Variants in TICRR observed in about 807,000 individuals in gnomAD.
TICRR encodes the protein treslin.
TICRR carries 132 observed loss-of-function variants against 178.1 expected under a neutral mutation model. The ratio of observed to expected loss-of-function variants is 0.74; its 90% CI spans 0.64 to 0.86. The LOEUF is 0.86. Ranked by LOEUF, TICRR falls within the 40% of genes least tolerant of loss-of-function variation. The pLI, the probability that TICRR is intolerant of heterozygous loss-of-function variation, is 0.00. For missense variants in TICRR, 2,587 were observed against 2,334.3 expected, an observed-to-expected ratio of 1.11 and a Z score of -2.23; for synonymous variants, 991 against 900.7, an observed-to-expected ratio of 1.10 and a Z score of -1.79.
chr15:89,621,536 C>A lies in TICRR; in HGVS notation c.3298C>A (p.Pro1100Thr). The stretch of plus-strand genomic sequence containing the variant: ...AAGAAACACTTTGGATTCGGAGGTA[C>A]CTGCAGCTTACCAGGTATAATGTTT... ...RSRNTLDSEV[P>T]AAYQTPKKSH... Residue 1100 changes from proline (P) to threonine (T), a missense_variant, in exon 19 of 22, where the codon CCT becomes ACT. Transcript: ENST00000268138. 4.3e-6 allele frequency: 7 copies of A among 1,611,722 alleles called. No homozygotes were observed. The highest frequency in any genetic ancestry group is 5.9e-6 in the Non-Finnish European group (7 of 1,179,352).
chr15:89,576,423 T>C (rs1023104108), intron 1 of TICRR, among the ~76,000 whole-genome samples, 183 bp downstream of exon 1: 1 of 152,152 alleles, frequency 6.6e-6, no homozygotes, highest in Non-Finnish European at 1.5e-5. Context: ...CCTCACTACC[T>C]ACTGTTTAAG....
intron 18 of TICRR, among the ~76,000 whole-genome samples, chr15:89,620,660 C>T (rs988416668): frequency 6.6e-6 from 1 of 151,958 alleles, no homozygotes; most frequent in East Asian, 1.9e-4. Flanking sequence ...TCCCGAGTTG[C>T]TCTCAAAAAT....
At chr15:89,585,576 C>T in intron 3 of TICRR, 132 bp from the exon 4 acceptor site, 1 of 682,686 alleles carries the variant, frequency 1.5e-6, no homozygotes, top group Non-Finnish European at 2.5e-6. Flanking sequence ...TATTAATGAT[C>T]AAATCTATCT....
chr15:89,582,987 G>A, intron 2 of TICRR, 22 bp downstream of exon 2: 1 of 1,229,318 alleles, frequency 8.1e-7, no homozygotes, highest in Admixed American at 2.5e-5. Flanking sequence ...ATATTTTAAG[G>A]TTTTTTTTTT....
At chr15:89,618,374 G>A (rs8030993) in intron 17 of TICRR, among the ~76,000 whole-genome samples, 164 bp downstream of exon 17, 5,581 of 152,264 alleles carry the variant, frequency 0.037, 356 homozygotes, top group African/African-American at 0.13. Flanking sequence ...ATGTTCTTCT[G>A]CATAGAAGGT....
At chr15:89,577,048 C>CA (rs948691298) in intron 1 of TICRR, among the ~76,000 whole-genome samples, 40 of 151,958 alleles carry the variant, frequency 2.6e-4, no homozygotes, top group African/African-American at 8.7e-4. Flanking sequence ...CCCACGCCAC[C>CA]ATGCCTGGCT....
chr15:89,625,442 G>A lies in TICRR; in HGVS notation c.5132G>A (p.Gly1711Glu). 2 of 1,613,922 alleles carry A rather than the reference G, an allele frequency of 1.2e-6. No homozygotes were observed. The highest frequency in any genetic ancestry group is 1.7e-6 in the Non-Finnish European group (2 of 1,180,004). ...GGCGAGGTCGGTGCAGACCTTCCTG[G>A]GAGCCTGTCACTGCTTGAGTCAGAG... is the stretch of plus-strand genomic sequence containing the variant. ...GRGEVGADLP[G>E]SLSLLESEGK... The change falls in exon 20 of 22, where the codon GGG (glycine) becomes GAG (glutamate). Residue 1711 changes from glycine to glutamate, a missense_variant. Gly to Glu is a moderately conservative substitution (Grantham distance 98). Transcript: ENST00000268138.
At chr15:89,621,662 C>G in intron 19 of TICRR, 112 bp downstream of exon 19, 1 of 865,356 alleles carries the variant, frequency 1.2e-6, no homozygotes, top group South Asian at 1.9e-5. Flanking sequence ...CTAGATAATA[C>G]TAGAGATTGG....
chr15:89,601,611 CA>C, intron 11 of TICRR, 43 bp downstream of exon 11: 2 of 1,611,254 alleles, frequency 1.2e-6, no homozygotes, highest in Non-Finnish European at 8.5e-7. Context: ...ATTGTTTTGT[CA>C]AAACCTATGT....
In TICRR at chr15:89,623,513, A is replaced by T; in HGVS notation, c.3313-110A>T. On this transcript the variant is annotated intron_variant, in intron 19 of 21. Coordinates refer to ENST00000268138, the MANE Select transcript of TICRR (RefSeq NM_152259.4). ...TATTTGAGATTTCCATCTTTAGATC[A>T]TTCCTTTGGCTGACTATAAATCTCC... 7 of 1,136,498 alleles carry T rather than the reference A, an allele frequency of 6.2e-6. No homozygotes were observed. In the South Asian group the frequency reaches 9.6e-5, roughly 16 times the overall value. 70.4% of individuals were successfully genotyped at this position (1,136,498 alleles called of 1,614,324 possible).
intron 16 of TICRR, among the ~76,000 whole-genome samples, chr15:89,616,844 C>G (rs1230290199): frequency 1.3e-5 from 2 of 152,196 alleles, no homozygotes; most frequent in South Asian, 2.1e-4. Context: ...CCTTTGCTGA[C>G]AGAGGTGTGG....
chr15:89,579,857 G>C (rs888487001), intron 1 of TICRR: 1 of 152,106 alleles, frequency 6.6e-6, no homozygotes. Flanking sequence ...CCCTGGCCTT[G>C]GACTTCTCAG....
chr15:89,606,677 A>G, intron 13 of TICRR, 91 bp from the exon 14 acceptor site: 1 of 1,020,746 alleles, frequency 9.8e-7, no homozygotes, highest in East Asian at 2.5e-5. Flanking sequence ...TAAATGAATT[A>G]CAAGAGTCAA....
chr15:89,590,287 T>C (rs893193296), intron 4 of TICRR, among the ~76,000 whole-genome samples: 16 of 152,208 alleles, frequency 1.1e-4, no homozygotes, highest in Non-Finnish European at 1.5e-4. Context: ...CAGCTGCTAC[T>C]TGGTGGTATA....
intron 4 of TICRR, among the ~76,000 whole-genome samples, chr15:89,590,762 G>A (rs544038099): frequency 5.9e-5 from 9 of 152,294 alleles, no homozygotes; most frequent in Non-Finnish European, 8.8e-5. Context: ...AGCTCCTTTC[G>A]AAGTATGCAT....
At chr15:89,626,648 A>C (rs1963533156) in intron 21 of TICRR, among the ~76,000 whole-genome samples, 1 of 152,158 alleles carries the variant, frequency 6.6e-6, no homozygotes, top group Non-Finnish European at 1.5e-5. Flanking sequence ...GATATAAATC[A>C]TGCAAAACAG....
chr15:89,590,356 T>C (rs1311985072), intron 4 of TICRR, among the ~76,000 whole-genome samples: 1 of 152,242 alleles, frequency 6.6e-6, no homozygotes, highest in Non-Finnish European at 1.5e-5. Context: ...TTTGTACTAC[T>C]GTCACTACCT....
chr15:89,623,833 CCT>C lies in TICRR; in HGVS notation c.3525_3526del (p.Gln1176LysfsTer13). On this transcript the variant is annotated frameshift_variant, in exon 20 of 22. Coordinates refer to ENST00000268138, the MANE Select transcript of TICRR (RefSeq NM_152259.4). LOFTEE classifies it high-confidence loss of function. Reference sequence around the variant, plus strand: ...CTCACCATTGGATTCAAAAATCACTCCTCAAAAACGACATACCCAGGCAGGAG... The same window carrying C: ...CTCACCATTGGATTCAAAAATCACTCCAAAAACGACATACCCAGGCAGGAG... Reference protein sequence around the residue: ...HDSPLDSKITPQKRHTQAGEG... With the variant: ...HDSPLDSKITXQKRHTQAGEG... The C allele has an allele frequency of 6.2e-7, 1 of 1,613,944 alleles. No individual in the cohort carries two copies. Among genetic ancestry groups the C allele is most frequent in the Non-Finnish European group, 8.5e-7 (1 of 1,180,014 alleles).
chr15:89,599,721 C>G (rs1443613383), intron 8 of TICRR, among the ~76,000 whole-genome samples: 1 of 152,192 alleles, frequency 6.6e-6, no homozygotes, highest in Non-Finnish European at 1.5e-5. Context: ...AATGAAAAGC[C>G]TTTCCTCATG....
Sources: allele counts gnomAD v4.1 joint callset (sites outside exome capture counted in the v4.1 genomes callset), GRCh38; gene constraint gnomAD v4.1.1; transcripts MANE v1.5; gene names NCBI Gene and HGNC (gene_info 2026-07-23, HGNC 2026-07-21).